Variants in CDKAL1 observed in about 807,000 individuals in gnomAD.
CDKAL1 encodes the protein threonylcarbamoyladenosine tRNA methylthiotransferase.
CDKAL1 carries 32 observed loss-of-function variants against 68.2 expected under a neutral mutation model. That is an observed-to-expected ratio of 0.47 (90% confidence interval 0.35 to 0.63). The LOEUF is 0.63. Among genes scored for constraint, CDKAL1 ranks in the 30% least tolerant of loss-of-function variants. The pLI is 0.00. For missense variants in CDKAL1, 606 were observed against 696.7 expected, an observed-to-expected ratio of 0.87 and a Z score of 1.47; for synonymous variants, 234 against 244.3, an observed-to-expected ratio of 0.96 and a Z score of 0.39.
chr6:20,721,748 T>C (rs1205077618), intron 5 of CDKAL1, among the ~76,000 whole-genome samples: 1 of 144,308 alleles, frequency 6.9e-6, no homozygotes, highest in Non-Finnish European at 1.5e-5. Context: ...TTTTTTTTTT[T>C]TTGAGACAGA....
intron 8 of CDKAL1, among the ~76,000 whole-genome samples, chr6:20,803,537 A>G (rs1187751829): frequency 6.6e-6 from 1 of 152,238 alleles, no homozygotes; most frequent in East Asian, 1.9e-4. Context: ...AGAACTAAAA[A>G]TAAGCCATTG....
intron 10 of CDKAL1, among the ~76,000 whole-genome samples, chr6:20,990,148 C>G (rs1766715768): frequency 6.6e-6 from 1 of 152,072 alleles, no homozygotes; most frequent in Non-Finnish European, 1.5e-5. Context: ...GAGGCTGAGG[C>G]AGGAGAATCT....
intron 4 of CDKAL1, among the ~76,000 whole-genome samples, chr6:20,639,065 C>T (rs531361807): frequency 6.6e-6 from 1 of 152,208 alleles, no homozygotes; most frequent in East Asian, 1.9e-4. Context: ...CTGTCTTGTA[C>T]CTGATTTGAC....
intron 13 of CDKAL1, among the ~76,000 whole-genome samples, chr6:21,120,449 CTAAG>C (rs2035184861): frequency 2.0e-5 from 3 of 152,174 alleles, no homozygotes; most frequent in African/African-American, 4.8e-5. Context: ...GGAGAATGTC[CTAAG>C]TAAGTTTATG....
intron 12 of CDKAL1, among the ~76,000 whole-genome samples, chr6:21,095,287 G>A (rs546013675): frequency 6.6e-6 from 1 of 152,268 alleles, no homozygotes; most frequent in East Asian, 1.9e-4. Flanking sequence ...CCTGCAGGAA[G>A]GTCTATAAGT....
intron 4 of CDKAL1, 28 bp downstream of exon 4, chr6:20,548,733 G>A (rs1763702411): frequency 9.6e-7 from 1 of 1,042,740 alleles, no homozygotes; most frequent in African/African-American, 1.6e-5. Flanking sequence ...ATATTTTATT[G>A]ATTAAATTTT....
chr6:21,059,245 G>T (rs1582115838), intron 11 of CDKAL1, among the ~76,000 whole-genome samples: 1 of 152,198 alleles, frequency 6.6e-6, no homozygotes, highest in African/African-American at 2.4e-5. Context: ...GGTCCAGACT[G>T]CCCAGTCTTC....
intron 5 of CDKAL1, among the ~76,000 whole-genome samples, chr6:20,736,138 TCTC>T (rs1383418598): frequency 4.4e-4 from 52 of 117,136 alleles, no homozygotes; most frequent in East Asian, 3.2e-3. Context: ...TTTTTTTTTT[TCTC>T]TCTGTTTTCT....
At chr6:20,609,680 T>C (rs1766530815) in intron 4 of CDKAL1, among the ~76,000 whole-genome samples, 1 of 151,982 alleles carries the variant, frequency 6.6e-6, no homozygotes, top group Non-Finnish European at 1.5e-5. Context: ...TTATTCATCT[T>C]AATGTTCTCC....
intron 2 of CDKAL1, among the ~76,000 whole-genome samples, chr6:20,545,442 T>C (rs1763560365): frequency 6.6e-6 from 1 of 152,168 alleles, no homozygotes. Flanking sequence ...TAATCTATTT[T>C]TTCTTCTTTT....
In CDKAL1 at chr6:20,732,442, T is replaced by C. The variant is rs920892094; in HGVS notation, c.372-7077T>C. Among the ~76,000 whole-genome samples the C allele has an allele frequency of 2.6e-4, 23 of 88,312 alleles. 1 individual carries two copies. The highest frequency in any genetic ancestry group is 1.1e-3 in the African/African-American group (21 of 19,206). 57.9% of individuals were successfully genotyped at this position (88,312 alleles called of 152,430 possible). ...AGCTGTGCACCATGACACCTGGCTA[T>C]TTTTTTTTTTTTTTTGGTATTTTTA... On this transcript the variant is annotated intron_variant, in intron 5 of 15. Coordinates refer to ENST00000274695, the MANE Select transcript of CDKAL1 (RefSeq NM_017774.3).
chr6:20,750,000 C>G (rs960090492), intron 6 of CDKAL1, among the ~76,000 whole-genome samples: 2 of 152,086 alleles, frequency 1.3e-5, no homozygotes, highest in Non-Finnish European at 2.9e-5. Flanking sequence ...ACCACCACAC[C>G]TGGCCCCAGA....
At chr6:21,148,127 A>G (rs1028654933) in intron 13 of CDKAL1, among the ~76,000 whole-genome samples, 1 of 152,212 alleles carries the variant, frequency 6.6e-6, no homozygotes, top group Non-Finnish European at 1.5e-5. Flanking sequence ...TTTTTACACC[A>G]TCTGTACCAT....
At chr6:20,834,373 G>T (rs182376432) in intron 8 of CDKAL1, among the ~76,000 whole-genome samples, 1 of 152,280 alleles carries the variant, frequency 6.6e-6, no homozygotes, top group Non-Finnish European at 1.5e-5. Flanking sequence ...CTGTGCTTGG[G>T]AAAGGACAAC....
At chr6:21,163,811 G>T (rs545075945) in intron 13 of CDKAL1, among the ~76,000 whole-genome samples, 44 of 152,194 alleles carry the variant, frequency 2.9e-4, no homozygotes, top group African/African-American at 1.0e-3. Context: ...AATCAGCCAG[G>T]CATGGTGGTG....
chr6:20,752,586 GC>G (rs1268623649), intron 6 of CDKAL1, among the ~76,000 whole-genome samples: 4 of 151,952 alleles, frequency 2.6e-5, no homozygotes, highest in Non-Finnish European at 4.4e-5. Flanking sequence ...GTTCCTATAT[GC>G]TCTTTACCCA....
intron 15 of CDKAL1, among the ~76,000 whole-genome samples, chr6:21,214,779 C>T (rs1779282162): frequency 6.6e-6 from 1 of 151,934 alleles, no homozygotes; most frequent in Admixed American, 6.6e-5. Flanking sequence ...AAATTGAAGC[C>T]CCATGAATGC....
chr6:20,975,175 G>A (rs1367585822), intron 10 of CDKAL1, among the ~76,000 whole-genome samples: 1 of 152,040 alleles, frequency 6.6e-6, no homozygotes, highest in Non-Finnish European at 1.5e-5. Context: ...AGATCTTTTG[G>A]CCATCCGGCT....
intron 15 of CDKAL1, among the ~76,000 whole-genome samples, chr6:21,204,090 A>T (rs2151111477): frequency 6.6e-6 from 1 of 152,350 alleles, no homozygotes; most frequent in East Asian, 1.9e-4. Flanking sequence ...GTAGATAGAC[A>T]GGACGTGGGG....
Sources: gnomAD v4.1 joint callset for allele counts (sites outside exome capture counted in the v4.1 genomes callset) on GRCh38, gnomAD v4.1.1 for gene constraint, MANE v1.5 for transcripts, NCBI Gene and HGNC (gene_info 2026-07-23, HGNC 2026-07-21) for gene names.